PTPRG: variants seen among roughly 807,000 people sequenced by gnomAD.
PTPRG encodes the protein protein tyrosine phosphatase receptor type G.
Under a neutral mutation model 165.3 loss-of-function variants are expected in PTPRG, and 102 were observed. That is an observed-to-expected ratio of 0.62 (90% CI 0.53 to 0.73). The LOEUF (loss-of-function observed/expected upper bound fraction) is 0.73, where lower values mean the gene tolerates loss of function less well. Among genes scored for constraint, PTPRG ranks in the 30% least tolerant of loss-of-function variants. The probability of loss-of-function intolerance (pLI) is 0.00; values close to 1 mark genes in which losing one functional copy is unlikely to be tolerated. For synonymous variants in PTPRG, 675 were observed against 669.5 expected, an observed-to-expected ratio of 1.01 and a Z score of -0.13; for missense variants, 1,866 against 1,861.4, an observed-to-expected ratio of 1.00 and a Z score of -0.05.
chr3:62,018,094 A>G (rs58415415), intron 4 of PTPRG, among the ~76,000 whole-genome samples: 1,544 of 152,242 alleles, frequency 0.01, 29 homozygotes, highest in African/African-American at 0.036. Flanking sequence ...CTTTGTATTC[A>G]TTGAGAACCA....
chr3:61,888,189 T>TTTTAAATCTTTG (rs1383986135), intron 2 of PTPRG, among the ~76,000 whole-genome samples: 1 of 148,722 alleles, frequency 6.7e-6, no homozygotes, highest in Non-Finnish European at 1.5e-5. Flanking sequence ...TTTCACTAAT[T>TTTTAAATCTTTG]TTTAAATCTT....
chr3:62,192,283 C>G (rs1022754519), intron 9 of PTPRG, among the ~76,000 whole-genome samples: 5 of 151,296 alleles, frequency 3.3e-5, no homozygotes, highest in Non-Finnish European at 5.9e-5. Context: ...AATTCAATGT[C>G]TCCTCTAAAA....
chr3:61,748,000 G>C (rs570541610), intron 1 of PTPRG, among the ~76,000 whole-genome samples: 1 of 152,150 alleles, frequency 6.6e-6, no homozygotes, highest in Non-Finnish European at 1.5e-5. Flanking sequence ...GGGAAGAGAG[G>C]GCTTTGAACG....
intron 4 of PTPRG, among the ~76,000 whole-genome samples, chr3:62,061,132 T>TA (rs1491002364): frequency 6.6e-6 from 1 of 152,240 alleles, no homozygotes; most frequent in Non-Finnish European, 1.5e-5. Flanking sequence ...TCCCTTGATT[T>TA]AAAATACCTT....
At chr3:62,126,636 G>A (rs192575042) in intron 5 of PTPRG, among the ~76,000 whole-genome samples, 24 of 152,224 alleles carry the variant, frequency 1.6e-4, no homozygotes, top group Middle Eastern at 3.4e-3. Flanking sequence ...GAGAGGCCTC[G>A]GTGACATTTT....
chr3:61,881,807 A>G (rs1325307507), intron 2 of PTPRG, among the ~76,000 whole-genome samples: 1 of 152,180 alleles, frequency 6.6e-6, no homozygotes, highest in Non-Finnish European at 1.5e-5. Flanking sequence ...CTTCAGAACC[A>G]TTGGACACAG....
chr3:62,268,882 A>T lies in PTPRG; in HGVS notation c.2875-153A>T, dbSNP rs545543776. Among the ~76,000 whole-genome samples the T allele has an allele frequency of 4.6e-5, 7 of 152,342 alleles. No individual in the cohort carries two copies. In the East Asian group the frequency reaches 1.4e-3, roughly 29 times the overall value. On this transcript the variant is annotated intron_variant, in intron 19 of 29. Coordinates refer to ENST00000474889, the MANE Select transcript of PTPRG (RefSeq NM_002841.4). ...AGCCATCAGCCTTGTCAGAGGTCAC[A>T]CCTGCCTTTAAGCAGTTAAACTCAC...
At chr3:61,853,960 T>G (rs2037034194) in intron 2 of PTPRG, among the ~76,000 whole-genome samples, 1 of 152,182 alleles carries the variant, frequency 6.6e-6, no homozygotes, top group African/African-American at 2.4e-5. Context: ...TCTCCTGTGC[T>G]TTACTTCAAA....
At chr3:61,805,865 G>A (rs564300512) in intron 2 of PTPRG, among the ~76,000 whole-genome samples, 1 of 152,282 alleles carries the variant, frequency 6.6e-6, no homozygotes, top group African/African-American at 2.4e-5. Flanking sequence ...AGTGAAGTGG[G>A]GCAGGGAGAT....
intron 2 of PTPRG, among the ~76,000 whole-genome samples, chr3:61,768,916 T>G (rs2034120533): frequency 6.6e-6 from 1 of 152,100 alleles, no homozygotes; most frequent in Non-Finnish European, 1.5e-5. Context: ...ACAGGGAAAT[T>G]TCAGTCTGAA....
rs568458154 is a variant in PTPRG at position 62,249,838 on chromosome 3, A to G, written c.2468-5286A>G. Among the ~76,000 whole-genome samples, 3 of 152,288 alleles carry G rather than the reference A, an allele frequency of 2.0e-5. No individual in the cohort carries two copies. In the East Asian group the frequency reaches 5.8e-4, roughly 29 times the overall value. ...CCTTTTTGCTGAAAAGTTTCTTTTA[A>G]ATGTAAGCTCTAGGGAGGTAATATA... is the stretch of plus-strand genomic sequence containing the variant. On this transcript the variant is annotated intron_variant, in intron 15 of 29. Transcript: ENST00000474889.
At chr3:61,879,066 A>G (rs1046943231) in intron 2 of PTPRG, among the ~76,000 whole-genome samples, 1 of 152,364 alleles carries the variant, frequency 6.6e-6, no homozygotes, top group African/African-American at 2.4e-5. Context: ...TAAATTTACT[A>G]GGAACAAATC....
chr3:62,005,689 C>A (rs2041280369), intron 4 of PTPRG, among the ~76,000 whole-genome samples: 1 of 119,982 alleles, frequency 8.3e-6, no homozygotes, highest in Non-Finnish European at 1.7e-5. Flanking sequence ...ACATTAATAT[C>A]CTTTTTTTTT....
At chr3:61,658,678 G>C (rs1225956081) in intron 1 of PTPRG, among the ~76,000 whole-genome samples, 1 of 152,106 alleles carries the variant, frequency 6.6e-6, no homozygotes, top group African/African-American at 2.4e-5. Flanking sequence ...TTCTTTGCGA[G>C]TTAAGGATTT....
At chr3:62,124,118 G>T (rs1703189908) in intron 5 of PTPRG, 3 of 560,910 alleles carry the variant, frequency 5.3e-6, no homozygotes, top group Non-Finnish European at 9.5e-6. Flanking sequence ...TTGTGAAATG[G>T]TTGAAAAATA....
chr3:61,821,301 C>T (rs557986957), intron 2 of PTPRG, among the ~76,000 whole-genome samples: 2 of 152,170 alleles, frequency 1.3e-5, no homozygotes, highest in African/African-American at 2.4e-5. Flanking sequence ...TCCCCTGTAG[C>T]TGGGACTACA....
chr3:62,249,935 T>A (rs1701373841), intron 15 of PTPRG, among the ~76,000 whole-genome samples: 1 of 152,292 alleles, frequency 6.6e-6, no homozygotes, highest in Non-Finnish European at 1.5e-5. Context: ...TTGGCAAGCT[T>A]CTTGGTCCCT....
chr3:61,633,240 T>C (rs1368631492), intron 1 of PTPRG, among the ~76,000 whole-genome samples: 1 of 152,210 alleles, frequency 6.6e-6, no homozygotes, highest in Non-Finnish European at 1.5e-5. Flanking sequence ...AGTTTCATGA[T>C]GGGAGTGGCA....
At chr3:61,880,430 G>C (rs913515580) in intron 2 of PTPRG, among the ~76,000 whole-genome samples, 2 of 152,114 alleles carry the variant, frequency 1.3e-5, no homozygotes, top group African/African-American at 4.8e-5. Flanking sequence ...GATCAGCCTG[G>C]CCAACAGGGT....
Sources: gnomAD v4.1 joint callset for allele counts (sites outside exome capture counted in the v4.1 genomes callset) on GRCh38, gnomAD v4.1.1 for gene constraint, MANE v1.5 for transcripts, NCBI Gene and HGNC (gene_info 2026-07-23, HGNC 2026-07-21) for gene names.